The following ADAM18 variants were observed in gnomAD, a reference collection of about 807,000 sequenced individuals.
The protein encoded by ADAM18 is disintegrin and metalloproteinase domain-containing protein 18.
Under a neutral mutation model 94.4 loss-of-function variants are expected in ADAM18, and 117 were observed. That is an observed-to-expected ratio of 1.24 (90% CI 1.07 to 1.45). The LOEUF is 1.45. Among genes scored for constraint, ADAM18 ranks in the 40% most tolerant of loss-of-function variants. The probability of loss-of-function intolerance (pLI) is 0.00; values close to 1 mark genes in which losing one functional copy is unlikely to be tolerated. For missense variants in ADAM18, 936 were observed against 880.0 expected (o/e 1.06, Z -0.81); for synonymous variants, 327 against 291.6 (o/e 1.12, Z -1.24).
intron 6 of ADAM18, among the ~76,000 whole-genome samples, chr8:39,623,364 T>C (rs920916568): frequency 3.9e-5 from 6 of 152,106 alleles, no homozygotes; most frequent in Admixed American, 6.5e-5. Flanking sequence ...TAATCAACAG[T>C]GGGTTTGGTA....
At chr8:39,666,780 C>T (rs1447004033) in intron 13 of ADAM18, among the ~76,000 whole-genome samples, 7 of 152,264 alleles carry the variant, frequency 4.6e-5, no homozygotes, top group African/African-American at 9.6e-5. Flanking sequence ...TATCTCCCAC[C>T]GGGTGCCTCC....
intron 17 of ADAM18, among the ~76,000 whole-genome samples, chr8:39,696,827 A>G (rs1821939660): frequency 6.6e-6 from 1 of 151,494 alleles, no homozygotes; most frequent in Non-Finnish European, 1.5e-5. Flanking sequence ...TTTCTTTGAA[A>G]AAACTTTTAA....
chr8:39,663,385 T>C (rs1046664670), intron 12 of ADAM18, among the ~76,000 whole-genome samples: 1 of 148,098 alleles, frequency 6.8e-6, no homozygotes, highest in African/African-American at 2.5e-5. Context: ...ACTAAGGAGT[T>C]TGAGACCAGC....
intron 7 of ADAM18, among the ~76,000 whole-genome samples, chr8:39,635,015 G>C (rs1820040778): frequency 6.6e-6 from 1 of 152,092 alleles, no homozygotes; most frequent in Non-Finnish European, 1.5e-5. Flanking sequence ...CCATTTAGAG[G>C]TGATTAGTGC....
chr8:39,677,587 T>C, intron 15 of ADAM18, 51 bp downstream of exon 15: 1 of 1,391,296 alleles, frequency 7.2e-7, no homozygotes, highest in South Asian at 1.3e-5. Context: ...ATTATGTATT[T>C]TTATCAAGAG....
intron 14 of ADAM18, among the ~76,000 whole-genome samples, chr8:39,674,513 G>T (rs908544259): frequency 6.6e-6 from 1 of 152,072 alleles, no homozygotes; most frequent in African/African-American, 2.4e-5. Flanking sequence ...GCCTATGTGT[G>T]TCTTTGCATG....
chr8:39,707,454 C>A (rs1822270893), intron 18 of ADAM18, among the ~76,000 whole-genome samples: 1 of 152,162 alleles, frequency 6.6e-6, no homozygotes, highest in Non-Finnish European at 1.5e-5. Flanking sequence ...CTGTTCATGT[C>A]TTCTACTTAC....
At chr8:39,726,282 G>A (rs1449435356) in intron 19 of ADAM18, among the ~76,000 whole-genome samples, 2 of 150,274 alleles carry the variant, frequency 1.3e-5, no homozygotes, top group African/African-American at 4.9e-5. Context: ...ACACATTTGT[G>A]TGTGTGTGTG....
chr8:39,603,837 C>G (rs1455356141), intron 2 of ADAM18, among the ~76,000 whole-genome samples: 1 of 151,920 alleles, frequency 6.6e-6, no homozygotes, highest in Non-Finnish European at 1.5e-5. Context: ...ATTGGAAGTC[C>G]TGGAAATAGC....
intron 17 of ADAM18, among the ~76,000 whole-genome samples, chr8:39,701,149 A>T (rs1423014302): frequency 6.9e-6 from 1 of 145,852 alleles, no homozygotes; most frequent in Non-Finnish European, 1.5e-5. Context: ...AAAAAAAAAA[A>T]TTTATTGTAA....
intron 18 of ADAM18, among the ~76,000 whole-genome samples, chr8:39,711,278 G>A (rs1013544560): frequency 6.6e-6 from 1 of 152,164 alleles, no homozygotes; most frequent in African/African-American, 2.4e-5. Flanking sequence ...CAAACCCTGA[G>A]TAAGGTAGAT....
At chr8:39,647,635 G>A (rs1315885289) in intron 11 of ADAM18, among the ~76,000 whole-genome samples, 1 of 152,190 alleles carries the variant, frequency 6.6e-6, no homozygotes, top group Admixed American at 6.5e-5. Flanking sequence ...ATCACATGGG[G>A]AGAAACCTTG....
rs148070234 is a variant in ADAM18 at position 39,690,957 on chromosome 8, C to T, written c.1822-1643C>T. 2.7e-3 allele frequency among the ~76,000 whole-genome samples: 410 copies of T among 152,232 alleles called. 5 individuals carry two copies. The highest frequency in any genetic ancestry group is 9.5e-3 in the African/African-American group (394 of 41,544). The stretch of plus-strand genomic sequence containing the variant: ...TAGCAAAGACATGGATGGAATCAAC[C>T]TTGAAGCCCATCAATAGTAGATTGG... On this transcript the variant is annotated intron_variant, in intron 16 of 19. Transcript: ENST00000265707.
chr8:39,629,579 C>A, intron 7 of ADAM18, 140 bp downstream of exon 7: 1 of 553,886 alleles, frequency 1.8e-6, no homozygotes, highest in Non-Finnish European at 3.1e-6. Context: ...TATTTTCTCC[C>A]TCTCCTCTCT....
intron 2 of ADAM18, among the ~76,000 whole-genome samples, chr8:39,586,954 G>A (rs1384508586): frequency 3.9e-5 from 6 of 152,118 alleles, no homozygotes; most frequent in Admixed American, 1.3e-4. Flanking sequence ...GTTTTACTAT[G>A]AGAGACATGC....
At chr8:39,721,881 A>G (rs1295405186) in intron 18 of ADAM18, among the ~76,000 whole-genome samples, 7 of 151,324 alleles carry the variant, frequency 4.6e-5, no homozygotes, top group Non-Finnish European at 8.9e-5. Context: ...CTACCACTCA[A>G]TCCAGGAGTC....
chr8:39,687,547 G>C (rs1247259209), intron 16 of ADAM18, among the ~76,000 whole-genome samples: 2 of 152,150 alleles, frequency 1.3e-5, no homozygotes, highest in African/African-American at 4.8e-5. Flanking sequence ...GAGGCTTGGT[G>C]TACAAATGAT....
At chr8:39,609,658 G>A (rs1819205376) in intron 5 of ADAM18, 97 bp downstream of exon 5, 4 of 809,366 alleles carry the variant, frequency 4.9e-6, no homozygotes, top group Admixed American at 5.1e-5. Context: ...GGAAGTTTAA[G>A]GGAAATCAAA....
chr8:39,607,490 C>T (rs898879795), intron 3 of ADAM18, among the ~76,000 whole-genome samples: 1 of 152,146 alleles, frequency 6.6e-6, no homozygotes, highest in African/African-American at 2.4e-5. Context: ...ACTTTTCTTC[C>T]TCTACAACTC....
Sources: gnomAD v4.1 joint callset for allele counts (sites outside exome capture counted in the v4.1 genomes callset) on GRCh38, gnomAD v4.1.1 for gene constraint, MANE v1.5 for transcripts, NCBI Gene and HGNC (gene_info 2026-07-23, HGNC 2026-07-21) for gene names.